CUX2: variants seen among roughly 807,000 people sequenced by gnomAD.
CUX2 encodes the protein homeobox protein cut-like 2.
CUX2 carries 40 observed loss-of-function variants against 144.8 expected under a neutral mutation model. The ratio of observed to expected loss-of-function variants is 0.28; its 90% CI spans 0.21 to 0.36. The LOEUF (loss-of-function observed/expected upper bound fraction) is 0.36, where lower values mean the gene tolerates loss of function less well. Ranked by LOEUF, CUX2 falls within the 10% of genes least tolerant of loss-of-function variation. The pLI is 1.00. For synonymous variants in CUX2, 827 were observed against 875.6 expected, an observed-to-expected ratio of 0.94 and a Z score of 0.98; for missense variants, 1,615 against 1,994.0, an observed-to-expected ratio of 0.81 and a Z score of 3.62.
rs541804948 is a variant in CUX2 at position 111,042,276 on chromosome 12, G to A, written c.63+8036G>A. Among the ~76,000 whole-genome samples the A allele has an allele frequency of 7.2e-5, 11 of 152,232 alleles. No homozygotes were observed. In the East Asian group the frequency reaches 1.4e-3, roughly 19 times the overall value. On this transcript the variant is annotated intron_variant, in intron 1 of 21. Transcript: ENST00000261726. ...TGTGGACTGTGGGTGTTGCGGATCC[G>A]GAGACCACAGGGGTCACAGGGGCCG...
intron 1 of CUX2, among the ~76,000 whole-genome samples, chr12:111,159,394 C>G (rs571094801): frequency 6.6e-6 from 1 of 151,828 alleles, no homozygotes; most frequent in African/African-American, 2.4e-5. Flanking sequence ...AAGCAATGCT[C>G]CTGCCTTGGC....
chr12:111,176,380 G>A (rs1029342614), intron 1 of CUX2, among the ~76,000 whole-genome samples: 2 of 152,026 alleles, frequency 1.3e-5, no homozygotes, highest in Admixed American at 6.6e-5. Context: ...CTTGGGGATC[G>A]GGGAGACTCA....
At chr12:111,120,761 A>C (rs1270507400) in intron 1 of CUX2, among the ~76,000 whole-genome samples, 8 of 151,956 alleles carry the variant, frequency 5.3e-5, no homozygotes, top group Admixed American at 5.2e-4. Context: ...TAGAGAAAAT[A>C]TGTCGGGGTC....
At position 111,308,546 on chromosome 12, in the gene CUX2, T is replaced by G. The variant is rs1886716360; in HGVS notation, c.1258+20T>G. The G allele has an allele frequency of 6.3e-7, 1 of 1,592,240 alleles. No homozygotes were observed. The highest frequency in any genetic ancestry group is 2.3e-5 in the East Asian group (1 of 43,746). ...GCCCTGGTAGGGGAGGAGGATACTC[T>G]GGGGCTGAGGGCTGGGGCGGGGGCT... is the stretch of plus-strand genomic sequence containing the variant. On this transcript the variant is annotated intron_variant, in intron 14 of 21. Transcript: ENST00000261726.
At position 111,224,015 on chromosome 12, in the gene CUX2, G is replaced by A. The variant is rs529453794; in HGVS notation, c.222+6078G>A. On this transcript the variant is annotated intron_variant, in intron 3 of 21. Coordinates refer to ENST00000261726, the MANE Select transcript of CUX2 (RefSeq NM_015267.4). Reference sequence around the variant, plus strand: ...GCTAATGGCTTGAGACTACTGTAAGGACTTTGACTGCAACTCTGAATAAGG... The same window carrying A: ...GCTAATGGCTTGAGACTACTGTAAGAACTTTGACTGCAACTCTGAATAAGG... Among the ~76,000 whole-genome samples the A allele has an allele frequency of 2.0e-5, 3 of 152,218 alleles. No individual in the cohort carries two copies. The South Asian group carries it at 6.2e-4, about 32-fold the overall frequency.
At chr12:111,330,471 G>A (rs534577938) in intron 18 of CUX2, among the ~76,000 whole-genome samples, 4 of 151,478 alleles carry the variant, frequency 2.6e-5, no homozygotes, top group African/African-American at 9.7e-5. Flanking sequence ...TCTGAACCTC[G>A]GTTTCCTCAC....
chr12:111,234,551 AC>A (rs1288474827), intron 3 of CUX2, among the ~76,000 whole-genome samples: 1 of 152,004 alleles, frequency 6.6e-6, no homozygotes. Context: ...ATCAGAGAAG[AC>A]TTCTGGAGGA....
chr12:111,050,409 C>T (rs1165358391), intron 1 of CUX2, among the ~76,000 whole-genome samples: 2 of 152,150 alleles, frequency 1.3e-5, no homozygotes, highest in Admixed American at 6.5e-5. Context: ...TGTACAATAG[C>T]CTTCTTGACA....
intron 1 of CUX2, among the ~76,000 whole-genome samples, chr12:111,193,683 G>T (rs1208216587): frequency 6.6e-6 from 1 of 152,198 alleles, no homozygotes; most frequent in Non-Finnish European, 1.5e-5. Flanking sequence ...CTGGAGGTGT[G>T]GGGGCTGCGG....
intron 1 of CUX2, among the ~76,000 whole-genome samples, chr12:111,198,436 C>T (rs1226124035): frequency 6.7e-6 from 1 of 150,156 alleles, no homozygotes; most frequent in South Asian, 2.1e-4. Flanking sequence ...GATTGTGCCA[C>T]TGCACTCCAA....
At position 111,301,975 on chromosome 12, in the gene CUX2, A is replaced by G. The variant is rs918790708; in HGVS notation, c.754-2235A>G. Among the ~76,000 whole-genome samples the G allele has an allele frequency of 5.3e-5, 8 of 152,214 alleles. 1 individual carries two copies. Among genetic ancestry groups the G allele is most frequent in the South Asian group, 2.1e-4 (1 of 4,838 alleles). ...CCTTTAGTCCAGATCTCAGCTTTCA[A>G]TCAGATATGCTCAGGGTTCCCTAAC... is the stretch of plus-strand genomic sequence containing the variant. On this transcript the variant is annotated intron_variant, in intron 9 of 21. Coordinates refer to ENST00000261726, the MANE Select transcript of CUX2 (RefSeq NM_015267.4).
chr12:111,319,146 T>G (rs754649073), intron 16 of CUX2, among the ~76,000 whole-genome samples: 1 of 151,932 alleles, frequency 6.6e-6, no homozygotes, highest in African/African-American at 2.4e-5. Flanking sequence ...AAACCCCGTC[T>G]CTACAAAAAA....
intron 3 of CUX2, among the ~76,000 whole-genome samples, chr12:111,226,127 A>G (rs771306314): frequency 6.6e-6 from 1 of 152,168 alleles, no homozygotes; most frequent in Non-Finnish European, 1.5e-5. Flanking sequence ...TATTTTTTGT[A>G]GAGACTTGGT....
At chr12:111,323,844 G>C (rs1423706518) in intron 18 of CUX2, among the ~76,000 whole-genome samples, 1 of 152,134 alleles carries the variant, frequency 6.6e-6, no homozygotes, top group African/African-American at 2.4e-5. Context: ...ATCTCTTGAA[G>C]CCTGGAGTTT....
chr12:111,078,656 A>G (rs145784701), intron 1 of CUX2, among the ~76,000 whole-genome samples: 52 of 152,192 alleles, frequency 3.4e-4, no homozygotes, highest in Non-Finnish European at 6.2e-4. Flanking sequence ...GGCGACCGAG[A>G]AAGATCCTGT....
chr12:111,098,283 C>G (rs1188836793), intron 1 of CUX2, among the ~76,000 whole-genome samples: 1 of 152,062 alleles, frequency 6.6e-6, no homozygotes, highest in East Asian at 1.9e-4. Flanking sequence ...GCCTGTAATC[C>G]CAGCTACTTG....
intron 10 of CUX2, among the ~76,000 whole-genome samples, chr12:111,306,635 G>C (rs991931523): frequency 2.6e-5 from 4 of 152,152 alleles, no homozygotes; most frequent in African/African-American, 9.7e-5. Context: ...TACCTATGCT[G>C]TTTCCTCTGG....
chr12:111,258,512 CAAAA>C (rs895707620), intron 3 of CUX2, among the ~76,000 whole-genome samples: 6 of 65,934 alleles, frequency 9.1e-5, no homozygotes, highest in African/African-American at 1.8e-4. Flanking sequence ...GACTCCATCT[CAAAA>C]AAAAAAAAAA....
intron 1 of CUX2, among the ~76,000 whole-genome samples, chr12:111,074,042 A>G (rs1022300806): frequency 3.2e-5 from 4 of 123,914 alleles, no homozygotes; most frequent in African/African-American, 1.2e-4. Context: ...TACTTATACT[A>G]AAAAAAAAAA....
Sources: allele counts gnomAD v4.1 joint callset (sites outside exome capture counted in the v4.1 genomes callset), GRCh38; gene constraint gnomAD v4.1.1; transcripts MANE v1.5; gene names NCBI Gene and HGNC (gene_info 2026-07-23, HGNC 2026-07-21).